DMD: variants seen among roughly 807,000 people sequenced by gnomAD.
DMD encodes the protein mutant dystrophin.
In DMD, 63 loss-of-function variants were observed where a neutral mutation model predicts 330.1. That is an observed-to-expected ratio of 0.19 (90% CI 0.16 to 0.24). DMD has a LOEUF of 0.24. Ranked by LOEUF, DMD falls within the 10% of genes least tolerant of loss-of-function variation. The pLI is 1.00. For missense variants in DMD, 3,344 were observed against 2,684.1 expected, an observed-to-expected ratio of 1.25 and a Z score of -5.43; for synonymous variants, 1,223 against 959.8, an observed-to-expected ratio of 1.27 and a Z score of -5.07.
chrX:32,962,373 A>G (rs1381002830), intron 2 of DMD, among the ~76,000 whole-genome samples: 2 of 111,766 alleles, frequency 1.8e-5, no homozygotes, highest in Non-Finnish European at 3.8e-5. Context: ...CTTTCACCAT[A>G]AAGAGTGTGC....
chrX:33,084,365 C>T (rs1404096463), intron 1 of DMD, among the ~76,000 whole-genome samples: 3 of 112,576 alleles, frequency 2.7e-5, no homozygotes, highest in Non-Finnish European at 5.6e-5. Flanking sequence ...AAGAGTAATT[C>T]ATGCAGAGCT....
rs1244714724 is a variant in DMD at position 33,005,966 on chromosome X, T to C, written c.93+14173A>G. 8.1e-5 allele frequency among the ~76,000 whole-genome samples: 9 copies of C among 111,236 alleles called. No individual in the cohort carries two copies. The East Asian group carries it at 2.6e-3, about 32-fold the overall frequency. ...TTCTTACACACCAGCAGTGAACAAG[T>C]GGAATTTGAAATGTAAAACACAAAG... On this transcript the variant is annotated intron_variant, in intron 2 of 78. Transcript: ENST00000357033.
chrX:31,412,064 C>A (rs1271210947), intron 60 of DMD, among the ~76,000 whole-genome samples: 2 of 106,997 alleles, frequency 1.9e-5, no homozygotes, highest in East Asian at 6.1e-4. Flanking sequence ...CGGGCGCCTG[C>A]AGTCCCAGCT....
chrX:33,148,638 T>C lies in DMD; in HGVS notation c.31+62644A>G, dbSNP rs375706017. On this transcript the variant is annotated intron_variant, in intron 1 of 78. Transcript: ENST00000357033. ...AAATGTTCATGATTTTAAAGGTCAT[T>C]GGACAAAAACACTATGAATAATAAA... Among the ~76,000 whole-genome samples, 41 of 111,831 alleles carry C rather than the reference T, an allele frequency of 3.7e-4. 1 individual carries two copies. The South Asian group carries it at 6.3e-3, about 17-fold the overall frequency.
intron 43 of DMD, among the ~76,000 whole-genome samples, chrX:32,248,134 G>A (rs1449083771): frequency 5.4e-5 from 6 of 111,489 alleles, no homozygotes; most frequent in Non-Finnish European, 1.1e-4. Flanking sequence ...ATGATGCTAC[G>A]AAGAAAGATT....
At chrX:32,325,694 G>T (rs777856565) in intron 41 of DMD, among the ~76,000 whole-genome samples, 2 of 111,673 alleles carry the variant, frequency 1.8e-5, no homozygotes, top group African/African-American at 6.5e-5. Flanking sequence ...TTATTTTTAG[G>T]TGCCTGAGAT....
intron 62 of DMD, among the ~76,000 whole-genome samples, chrX:31,268,693 T>A (rs746547075): frequency 8.9e-6 from 1 of 112,438 alleles, no homozygotes; most frequent in East Asian, 2.8e-4. Context: ...AATCTCTGTG[T>A]CAGTGTGGCA....
chrX:32,683,695 A>G (rs1171883780), intron 9 of DMD, among the ~76,000 whole-genome samples: 1 of 105,233 alleles, frequency 9.5e-6, no homozygotes, highest in Non-Finnish European at 1.9e-5. Context: ...CTAATGTTAA[A>G]TGATGAGTTA....
At chrX:31,192,643 T>C (rs1203848737) in intron 67 of DMD, among the ~76,000 whole-genome samples, 2 of 112,042 alleles carry the variant, frequency 1.8e-5, no homozygotes, top group Admixed American at 9.5e-5. Flanking sequence ...TCAAAGACAC[T>C]TAGGGATAAG....
chrX:32,629,096 G>A (rs1432573231), intron 11 of DMD, among the ~76,000 whole-genome samples: 1 of 111,402 alleles, frequency 9.0e-6, no homozygotes, highest in East Asian at 2.8e-4. Flanking sequence ...GATCTATCTG[G>A]CCACTGCTGA....
chrX:31,891,014 A>C (rs1015253273), intron 47 of DMD, among the ~76,000 whole-genome samples: 7 of 112,086 alleles, frequency 6.2e-5, no homozygotes, highest in African/African-American at 1.9e-4. Context: ...CTATGAAGCA[A>C]ATGCATATTG....
intron 1 of DMD, among the ~76,000 whole-genome samples, chrX:33,162,686 C>T (rs1171547757): frequency 1.8e-5 from 2 of 110,690 alleles, no homozygotes; most frequent in African/African-American, 6.6e-5. Context: ...TTTTGAGAGC[C>T]ATAGCCCAAA....
intron 59 of DMD, among the ~76,000 whole-genome samples, chrX:31,459,162 A>G (rs939005873): frequency 3.6e-5 from 4 of 111,623 alleles, no homozygotes; most frequent in Non-Finnish European, 5.6e-5. Context: ...AAGGTGAAGC[A>G]GGTAAAATGC....
chrX:32,473,547 T>C (rs2040884693), intron 21 of DMD, among the ~76,000 whole-genome samples: 1 of 111,867 alleles, frequency 8.9e-6, no homozygotes, highest in South Asian at 3.7e-4. Context: ...ACCAATTCCT[T>C]CTACACTAAA....
In DMD at chrX:32,343,189, T is replaced by C. The variant is rs376202643; in HGVS notation, c.5684A>G (p.Asp1895Gly). 13 of 1,210,585 alleles carry C rather than the reference T, an allele frequency of 1.1e-5. No homozygotes were observed. Among genetic ancestry groups the C allele is most frequent in the Non-Finnish European group, 1.2e-5 (11 of 894,561 alleles). The change falls in exon 40 of 79, where the codon GAC (aspartate) becomes GGC (glycine). Residue 1895 changes from aspartate to glycine, a missense_variant. Transcript: ENST00000357033. ...TAGGCTGGCTAATTTTTTTTCAATG[T>C]CATCCAAGCATTTCAGGAGATCATC... ...QADDLLKCLD[D>G]IEKKLASLPE...
intron 51 of DMD, among the ~76,000 whole-genome samples, chrX:31,738,425 C>A (rs1486590552): frequency 8.9e-6 from 1 of 111,952 alleles, no homozygotes; most frequent in African/African-American, 3.2e-5. Context: ...CAGGCAATAA[C>A]CAATGTTGAC....
chrX:33,083,364 G>T (rs1030135688), intron 1 of DMD, among the ~76,000 whole-genome samples: 7 of 111,966 alleles, frequency 6.3e-5, no homozygotes, highest in African/African-American at 2.3e-4. Flanking sequence ...ACCTCTTTCC[G>T]CACCCAATAT....
chrX:32,038,352 C>T (rs1293676318), intron 44 of DMD, among the ~76,000 whole-genome samples: 1 of 111,701 alleles, frequency 9.0e-6, no homozygotes, highest in African/African-American at 3.3e-5. Flanking sequence ...AAAATAAATA[C>T]ATTAGCAATG....
At chrX:31,563,631 C>T (rs773917520) in intron 55 of DMD, among the ~76,000 whole-genome samples, 2 of 111,927 alleles carry the variant, frequency 1.8e-5, no homozygotes, top group South Asian at 3.7e-4. Flanking sequence ...TTGAAATTTA[C>T]AGGGAATTTA....
Sources: gnomAD v4.1 joint callset for allele counts (sites outside exome capture counted in the v4.1 genomes callset) on GRCh38, gnomAD v4.1.1 for gene constraint, MANE v1.5 for transcripts, NCBI Gene and HGNC (gene_info 2026-07-23, HGNC 2026-07-21) for gene names.